Variants in AIM2 observed in about 807,000 individuals in gnomAD.
AIM2 encodes the protein interferon-inducible protein AIM2.
In AIM2, 30 loss-of-function variants were observed where a neutral mutation model predicts 27.7. That is an observed-to-expected ratio of 1.08 (90% confidence interval 0.81 to 1.47). The LOEUF (loss-of-function observed/expected upper bound fraction) is 1.47. Among genes scored for constraint, AIM2 ranks in the 40% most tolerant of loss-of-function variants. AIM2 has a pLI of 0.00. For missense variants in AIM2, 358 were observed against 411.3 expected (o/e 0.87, Z 1.12); for synonymous variants, 141 against 145.3 (o/e 0.97, Z 0.21).
At chr1:159,108,163 T>A (rs1344844028) in intron 1 of AIM2, among the ~76,000 whole-genome samples, 1 of 152,096 alleles carries the variant, frequency 6.6e-6, no homozygotes, top group African/African-American at 2.4e-5. Flanking sequence ...AACAAAATAC[T>A]AGCTAACCAA....
chr1:159,107,798 A>G (rs1381710664), intron 1 of AIM2, among the ~76,000 whole-genome samples: 1 of 152,214 alleles, frequency 6.6e-6, no homozygotes, highest in African/African-American at 2.4e-5. Flanking sequence ...AAACTAGAAA[A>G]CCAAGAAAAG....
At chr1:159,128,387 A>G (rs1647778309) in intron 1 of AIM2, among the ~76,000 whole-genome samples, 2 of 151,986 alleles carry the variant, frequency 1.3e-5, no homozygotes, top group African/African-American at 4.8e-5. Context: ...TTCTATCTCC[A>G]TTAAACTTCT....
chr1:159,097,063 C>T (rs1048282448), intron 1 of AIM2, among the ~76,000 whole-genome samples: 1 of 151,912 alleles, frequency 6.6e-6, no homozygotes, highest in Non-Finnish European at 1.5e-5. Flanking sequence ...CTCTCTTTCA[C>T]CCCTACAAGG....
upstream of AIM2, among the ~76,000 whole-genome samples, chr1:159,079,478 C>T (rs761945440): frequency 6.6e-6 from 1 of 151,964 alleles, no homozygotes. Flanking sequence ...AAATAAATAC[C>T]GAATTTGATG....
intron 1 of AIM2, among the ~76,000 whole-genome samples, chr1:159,124,511 G>A (rs1647632851): frequency 6.6e-6 from 1 of 152,108 alleles, no homozygotes; most frequent in South Asian, 2.1e-4. Flanking sequence ...CTATTCTTTG[G>A]AATCCTCTCC....
upstream of AIM2, among the ~76,000 whole-genome samples, chr1:159,143,222 T>C (rs1648144569): frequency 6.6e-6 from 1 of 152,134 alleles, no homozygotes; most frequent in African/African-American, 2.4e-5. Context: ...GCAGAGAACA[T>C]AACCAAGGCA....
intron 1 of AIM2, among the ~76,000 whole-genome samples, chr1:159,075,191 G>A (rs12566385): frequency 6.6e-6 from 1 of 151,998 alleles, no homozygotes; most frequent in Non-Finnish European, 1.5e-5. Context: ...AAATCACAAG[G>A]AAAGAATGGC....
Position 159,063,665 on chromosome 1 carries a change from T to C in AIM2, c.826A>G (p.Lys276Glu). 2 of 1,611,946 alleles carry C rather than the reference T, an allele frequency of 1.2e-6. No homozygotes were observed. The highest frequency in any genetic ancestry group is 4.5e-5 in the East Asian group (2 of 44,876). ...GLFVVQKVTEKKKNILFDLSD... is the reference protein window; with the variant it reads ...GLFVVQKVTEEKKNILFDLSD... ...AGGTCAAATAATATGTTTTTCTTCTTTTCTGTTACCTATAAAAGAAAATCA... is the reference window on the plus strand; with the variant it reads ...AGGTCAAATAATATGTTTTTCTTCTCTTCTGTTACCTATAAAAGAAAATCA... Residue 276 changes from lysine (K) to glutamate (E), a missense_variant, in exon 5 of 6, where the codon AAG (lysine) becomes GAG (glutamate). Lys to Glu is a moderately conservative substitution (Grantham distance 56). Coordinates refer to ENST00000368130, the MANE Select transcript of AIM2 (RefSeq NM_004833.3).
At chr1:159,082,189 G>A (rs1165677253) in intron 1 of AIM2, among the ~76,000 whole-genome samples, 1 of 152,112 alleles carries the variant, frequency 6.6e-6, no homozygotes, top group Non-Finnish European at 1.5e-5. Flanking sequence ...AGAGAGTGGA[G>A]CAATTCCTTT....
intron 1 of AIM2, among the ~76,000 whole-genome samples, chr1:159,135,618 T>C (rs1222553627): frequency 6.6e-6 from 1 of 152,176 alleles, no homozygotes; most frequent in Non-Finnish European, 1.5e-5. Flanking sequence ...TTATACATAA[T>C]AGAAAATTTT....
chr1:159,068,484 TAAAG>T (rs1570940689), intron 3 of AIM2, 80 bp downstream of exon 3: 1 of 1,490,910 alleles, frequency 6.7e-7, no homozygotes, highest in East Asian at 2.4e-5. Flanking sequence ...TGCTGTGAGA[TAAAG>T]AACAGAGAAC....
At chr1:159,064,553 C>T (rs968891019) in intron 4 of AIM2, among the ~76,000 whole-genome samples, 13 of 151,944 alleles carry the variant, frequency 8.6e-5, no homozygotes, top group Admixed American at 2.6e-4. Flanking sequence ...CAACCTCCAA[C>T]GCCCTGGGTT....
intron 1 of AIM2, among the ~76,000 whole-genome samples, chr1:159,102,385 G>T (rs969570414): frequency 1.3e-5 from 2 of 152,270 alleles, no homozygotes; most frequent in Non-Finnish European, 2.9e-5. Flanking sequence ...CTAGGGCAGT[G>T]TGGAAGGGAA....
Position 159,085,285 on chromosome 1 carries a change from G to A in AIM2, c.-15-18956C>T, listed in dbSNP as rs74555412. ...AATCTGACTCCTGTCTTCTGAGTTG[G>A]GGACGTGAGAATTATTACATGTGAA... On this transcript the variant is annotated intron_variant, in intron 1 of 2. Coordinates refer to the AIM2 transcript ENST00000368129. Among the ~76,000 whole-genome samples the A allele has an allele frequency of 6.4e-3, 977 of 152,280 alleles. 9 individuals are homozygous for A. Among genetic ancestry groups the A allele is most frequent in the Non-Finnish European group, 7.6e-3 (519 of 68,022 alleles).
At chr1:159,080,708 C>T (rs1050881617), upstream of AIM2, among the ~76,000 whole-genome samples, 1 of 152,168 alleles carries the variant, frequency 6.6e-6, no homozygotes, top group Non-Finnish European at 1.5e-5. Context: ...AGAACCACTG[C>T]TTTAATATCT....
chr1:159,121,840 T>TAA (rs1486752866), intron 1 of AIM2, among the ~76,000 whole-genome samples: 2 of 152,338 alleles, frequency 1.3e-5, no homozygotes, highest in Non-Finnish European at 1.5e-5. Flanking sequence ...TTACTGTTTA[T>TAA]ACCTTTTCCA....
At position 159,062,508 on chromosome 1, in the gene AIM2, T is replaced by C. The variant is rs1655871723; in HGVS notation, c.*184A>G. ...ATGAATGAGAAACAGATGTTTATTG[T>C]GATCATCTGTTGATATTCTGAATTT... On this transcript the variant is annotated 3_prime_UTR_variant, in exon 6 of 6. Coordinates refer to ENST00000368130, the MANE Select transcript of AIM2 (RefSeq NM_004833.3). 1.1e-5 allele frequency: 7 copies of C among 611,188 alleles called. No individual in the cohort carries two copies. In the South Asian group the frequency reaches 1.4e-4, roughly 13 times the overall value. The allele number at this position is 611,188 out of a possible 1,614,324, so 37.9% of individuals were successfully genotyped here.
intron 1 of AIM2, among the ~76,000 whole-genome samples, chr1:159,120,417 T>A (rs944087619): frequency 1.3e-5 from 2 of 152,168 alleles, no homozygotes; most frequent in African/African-American, 4.8e-5. Context: ...TACACAAGCA[T>A]CCTAGGACAG....
chr1:159,085,838 G>A (rs976933932), intron 1 of AIM2, among the ~76,000 whole-genome samples: 1 of 152,208 alleles, frequency 6.6e-6, no homozygotes, highest in Admixed American at 6.5e-5. Flanking sequence ...AAGGCAAAGA[G>A]TATTTCAAGG....
Sources: allele counts gnomAD v4.1 joint callset (sites outside exome capture counted in the v4.1 genomes callset), GRCh38; gene constraint gnomAD v4.1.1; transcripts MANE v1.5; gene names NCBI Gene and HGNC (gene_info 2026-07-23, HGNC 2026-07-21).